The following BRPF3 variants were observed in gnomAD, a reference collection of about 807,000 sequenced individuals.
BRPF3 encodes the protein bromodomain and PHD finger containing 3.
In BRPF3, 18 loss-of-function variants were observed where a neutral mutation model predicts 102.0. The ratio of observed to expected loss-of-function variants is 0.18; its 90% CI spans 0.12 to 0.26. The LOEUF (loss-of-function observed/expected upper bound fraction) is 0.26, where lower values mean the gene tolerates loss of function less well. Ranked by LOEUF, BRPF3 falls within the 10% of genes least tolerant of loss-of-function variation. The pLI is 1.00. For missense variants in BRPF3, 1,147 were observed against 1,567.8 expected (o/e 0.73, Z 4.53); for synonymous variants, 570 against 614.2 (o/e 0.93, Z 1.06).
At chr6:36,218,350 AC>A (rs1022091553) in intron 9 of BRPF3, among the ~76,000 whole-genome samples, 9 of 151,862 alleles carry the variant, frequency 5.9e-5, no homozygotes, top group African/African-American at 2.2e-4. Context: ...CATTTAGACA[AC>A]CCAGCCATTA....
chr6:36,225,469 A>C, intron 11 of BRPF3, 105 bp downstream of exon 11: 2 of 1,028,640 alleles, frequency 1.9e-6, no homozygotes, highest in Non-Finnish European at 2.8e-6. Context: ...GAGTGTCTTT[A>C]GCTGTAGAGG....
At position 36,200,418 on chromosome 6, in the gene BRPF3, G is replaced by A; in HGVS notation, c.96G>A (p.Leu32=). ...SLKCSPTRET[L]TYAQAQRIVE... Reference sequence around the variant, plus strand: ...AGTGCTCACCCACCCGGGAGACCCTGACATATGCCCAGGCCCAGCGGATTG... The same window carrying A: ...AGTGCTCACCCACCCGGGAGACCCTAACATATGCCCAGGCCCAGCGGATTG... Residue 32 remains leucine, a synonymous_variant, in exon 2 of 13, where the codon CTG becomes CTA. Transcript: ENST00000357641. This position sits in a 1 kb window ranked among gnomAD's most constrained non-coding sequence, Gnocchi z 5.3. 6 of 1,614,264 alleles carry A rather than the reference G, an allele frequency of 3.7e-6. No individual in the cohort carries two copies. The highest frequency in any genetic ancestry group is 5.1e-6 in the Non-Finnish European group (6 of 1,180,048).
chr6:36,204,154 A>G (rs1767820650), intron 2 of BRPF3, among the ~76,000 whole-genome samples: 1 of 152,074 alleles, frequency 6.6e-6, no homozygotes, highest in Admixed American at 6.5e-5. Flanking sequence ...GGTTTATACC[A>G]TGAAAAACCA....
At position 36,230,366 on chromosome 6, in the gene BRPF3, G is replaced by A; in HGVS notation, c.3435-60G>A. On this transcript the variant is annotated intron_variant, in intron 12 of 12. Coordinates refer to ENST00000357641, the MANE Select transcript of BRPF3 (RefSeq NM_015695.3). This position sits in a 1 kb window ranked among gnomAD's most constrained non-coding sequence, Gnocchi z 5.4. ...TGGTCCTGGCCAAGTGGGGCCACAG[G>A]AGCCCGAGCCCCCTGTGAGACCCAC... 8 of 1,563,192 alleles carry A rather than the reference G, an allele frequency of 5.1e-6. No homozygotes were observed. The highest frequency in any genetic ancestry group is 7.0e-6 in the Non-Finnish European group (8 of 1,144,208).
At chr6:36,218,751 G>A (rs948595688) in intron 9 of BRPF3, among the ~76,000 whole-genome samples, 1 of 152,154 alleles carries the variant, frequency 6.6e-6, no homozygotes, top group African/African-American at 2.4e-5. Context: ...GAGCCACTGC[G>A]CCTGGCCTGG....
At chr6:36,208,247 A>G (rs772291005) in intron 4 of BRPF3, among the ~76,000 whole-genome samples, 7 of 152,180 alleles carry the variant, frequency 4.6e-5, no homozygotes, top group Non-Finnish European at 1.0e-4. Context: ...GCAGAGAGCA[A>G]ATACTGTTAA....
At chr6:36,219,383 G>T (rs146517139) in intron 9 of BRPF3, among the ~76,000 whole-genome samples, 25 of 152,306 alleles carry the variant, frequency 1.6e-4, no homozygotes, top group Non-Finnish European at 2.4e-4. Context: ...GATGCTTCTA[G>T]CCTGGCCCTG....
chr6:36,208,756 G>A (rs900320840), intron 4 of BRPF3, among the ~76,000 whole-genome samples: 2 of 152,270 alleles, frequency 1.3e-5, no homozygotes, highest in Non-Finnish European at 1.5e-5. Flanking sequence ...TGGTCCTGGG[G>A]AAGTAGGCAG....
chr6:36,219,768 A>C (rs568137441), intron 9 of BRPF3, among the ~76,000 whole-genome samples: 1 of 152,354 alleles, frequency 6.6e-6, no homozygotes, highest in East Asian at 1.9e-4. Context: ...TGTGGTAATA[A>C]GTATATAAGG....
intron 9 of BRPF3, among the ~76,000 whole-genome samples, chr6:36,221,663 A>T (rs79993573): frequency 7.5e-4 from 114 of 151,612 alleles, no homozygotes; most frequent in African/African-American, 2.7e-3. Flanking sequence ...TGAGAAGTGC[A>T]TTTTTTTTTC....
chr6:36,225,239 G>A (rs1230924410), intron 10 of BRPF3, 28 bp from the exon 11 acceptor site: 3 of 1,592,032 alleles, frequency 1.9e-6, no homozygotes, highest in Admixed American at 1.7e-5. Context: ...CCCTTTGGGT[G>A]CTGTCTCCTC....
At chr6:36,207,531 T>TGCCTTATGCTA (rs1424466153) in intron 4 of BRPF3, 87 bp downstream of exon 4, 1 of 1,502,912 alleles carries the variant, frequency 6.7e-7, no homozygotes, top group African/African-American at 1.4e-5. Flanking sequence ...TGGGAGCCCC[T>TGCCTTATGCTA]GCCTTATGCT....
At chr6:36,204,297 T>A in intron 2 of BRPF3, 1 of 278,468 alleles carries the variant, frequency 3.6e-6, no homozygotes, top group Non-Finnish European at 7.1e-6. Flanking sequence ...CAGTTCCTGT[T>A]CCCTTTCGCT....
chr6:36,199,205 C>T (rs1767609235), intron 1 of BRPF3, among the ~76,000 whole-genome samples: 1 of 152,202 alleles, frequency 6.6e-6, no homozygotes, highest in Non-Finnish European at 1.5e-5. Context: ...GCTCTGCCTC[C>T]TGTCAGATCA....
chr6:36,217,060 A>G (rs1768354325), intron 8 of BRPF3, among the ~76,000 whole-genome samples: 1 of 152,142 alleles, frequency 6.6e-6, no homozygotes, highest in Non-Finnish European at 1.5e-5. Flanking sequence ...AATAAATTGG[A>G]TAGATAGGAG....
intron 12 of BRPF3, 88 bp downstream of exon 12, chr6:36,229,144 A>G: frequency 1.3e-6 from 2 of 1,502,152 alleles, no homozygotes; most frequent in Non-Finnish European, 1.8e-6. Context: ...CAGAGGGGCC[A>G]TGGATGTTAC....
At position 36,217,909 on chromosome 6, in the gene BRPF3, CT is replaced by C; in HGVS notation, c.2990-6del. 6.2e-7 allele frequency: 1 copy of C among 1,612,498 alleles called. No homozygotes were observed. Among genetic ancestry groups the C allele is most frequent in the Non-Finnish European group, 8.5e-7 (1 of 1,179,128 alleles). ...TGCACTCAGACTCACTGTGTGTGTC[CT>C]TGGCAGGCATGACCAACGGCTTTGG... On this transcript the variant is annotated splice_polypyrimidine_tract_variant and splice_region_variant and intron_variant, in intron 8 of 12. Coordinates refer to ENST00000357641, the MANE Select transcript of BRPF3 (RefSeq NM_015695.3).
intron 8 of BRPF3, 140 bp downstream of exon 8, chr6:36,214,526 C>T (rs1158351000): frequency 1.9e-6 from 2 of 1,065,838 alleles, no homozygotes; most frequent in African/African-American, 1.6e-5. Context: ...CCATAGCTCA[C>T]AGTTGGGCCT....
At chr6:36,220,701 A>G (rs1329099737) in intron 9 of BRPF3, among the ~76,000 whole-genome samples, 1 of 152,240 alleles carries the variant, frequency 6.6e-6, no homozygotes, top group Non-Finnish European at 1.5e-5. Flanking sequence ...AGATTTTTAT[A>G]GGGTAAATGG....
Sources: allele counts gnomAD v4.1 joint callset (sites outside exome capture counted in the v4.1 genomes callset), GRCh38; gene constraint gnomAD v4.1.1; non-coding constraint Gnocchi (gnomAD v3.1); transcripts MANE v1.5; gene names NCBI Gene and HGNC (gene_info 2026-07-23, HGNC 2026-07-21).